Variants in TOP1 observed in about 807,000 individuals in gnomAD.
TOP1 encodes the protein DNA topoisomerase 1.
A neutral mutation model predicts 111.1 loss-of-function variants in TOP1; 10 were observed. The ratio of observed to expected loss-of-function variants is 0.09; its 90% confidence interval spans 0.06 to 0.15. The LOEUF (loss-of-function observed/expected upper bound fraction) is 0.15. Ranked by LOEUF, TOP1 falls within the 10% of genes least tolerant of loss-of-function variation. The pLI, the probability that TOP1 is intolerant of heterozygous loss-of-function variation, is 1.00. For missense variants in TOP1, 474 were observed against 926.7 expected, an observed-to-expected ratio of 0.51 and a Z score of 6.34; for synonymous variants, 271 against 302.9, an observed-to-expected ratio of 0.89 and a Z score of 1.10.
Position 41,030,533 on chromosome 20 carries a change from A to G in TOP1, c.58+1078A>G, listed in dbSNP as rs1174185706. On this transcript the variant is annotated intron_variant, in intron 2 of 20. Transcript: ENST00000361337. The surrounding 1 kb of genome is among the most constrained non-coding windows in gnomAD (Gnocchi z 4.1). The stretch of plus-strand genomic sequence containing the variant: ...GAACCCTTTTCAGCCAAATCAAGGC[A>G]TTTATTCTTACTGTATTTCCACTTC... Among the ~76,000 whole-genome samples, 3 of 150,606 alleles carry G rather than the reference A, an allele frequency of 2.0e-5. No homozygotes were observed.
chr20:41,061,373 A>C lies in TOP1; in HGVS notation c.59-21A>C. ...GATAGCTCATGACTCCTGTTAACTGACTCATCTCTTATGGTTGCAGATTCT... is the reference window on the plus strand; with the variant it reads ...GATAGCTCATGACTCCTGTTAACTGCCTCATCTCTTATGGTTGCAGATTCT... On this transcript the variant is annotated intron_variant, in intron 2 of 20. Transcript: ENST00000361337. The surrounding 1 kb of genome is among the most constrained non-coding windows in gnomAD (Gnocchi z 4.6). The C allele has an allele frequency of 6.2e-7, 1 of 1,612,078 alleles. No homozygotes were observed. Among genetic ancestry groups the C allele is most frequent in the Non-Finnish European group, 8.5e-7 (1 of 1,178,570 alleles).
chr20:41,089,786 C>T (rs2033896912), intron 8 of TOP1, among the ~76,000 whole-genome samples: 1 of 152,208 alleles, frequency 6.6e-6, no homozygotes. Context: ...AGCTTCCCTA[C>T]ACCTTCACCA....
At chr20:41,031,280 T>C (rs543408997) in intron 2 of TOP1, among the ~76,000 whole-genome samples, 1 of 152,348 alleles carries the variant, frequency 6.6e-6, no homozygotes, top group African/African-American at 2.4e-5. Flanking sequence ...CAGGTGAGGA[T>C]GTAAGAAGTC....
chr20:41,110,420 T>C lies in TOP1; in HGVS notation c.1309-2362T>C, dbSNP rs1374440307. 1.3e-5 allele frequency among the ~76,000 whole-genome samples: 2 copies of C among 152,206 alleles called. No individual in the cohort carries two copies. Among genetic ancestry groups the C allele is most frequent in the South Asian group, 2.1e-4 (1 of 4,826 alleles). ...AGGATCAGTGGTTGCTTGGTGGAAA[T>C]TGACTGAGAAGGGAAATAGTCATGT... On this transcript the variant is annotated intron_variant, in intron 13 of 20. Transcript: ENST00000361337. The surrounding 1 kb of genome is among the most constrained non-coding windows in gnomAD (Gnocchi z 4.2).
chr20:41,041,886 GTGATGATGA>G (rs112066961), intron 2 of TOP1, among the ~76,000 whole-genome samples: 5 of 149,666 alleles, frequency 3.3e-5, no homozygotes, highest in African/African-American at 1.2e-4. Context: ...AGCTTACAGG[GTGATGATGA>G]TGATGATGAT....
At position 41,082,035 on chromosome 20, in the gene TOP1, G is replaced by C. The variant is rs1334581497; in HGVS notation, c.507+795G>C. On this transcript the variant is annotated intron_variant, in intron 7 of 20. Transcript: ENST00000361337. The surrounding 1 kb of genome is among the most constrained non-coding windows in gnomAD (Gnocchi z 4.1). Reference sequence around the variant, plus strand: ...TTCTTGTACCAAAAAATTGTTAGCAGGTAATTCAAGAAAAGATGTCAGAAA... The same window carrying C: ...TTCTTGTACCAAAAAATTGTTAGCACGTAATTCAAGAAAAGATGTCAGAAA... Among the ~76,000 whole-genome samples the C allele has an allele frequency of 6.6e-6, 1 of 152,156 alleles. No individual in the cohort carries two copies. Among genetic ancestry groups the C allele is most frequent in the South Asian group, 2.1e-4 (1 of 4,832 alleles).
intron 3 of TOP1, chr20:41,072,552 A>G: frequency 1.0e-6 from 1 of 985,428 alleles, no homozygotes; most frequent in Non-Finnish European, 1.2e-6. Flanking sequence ...ATGCTTCTGT[A>G]TCATAGGACT....
rs980493977 is a variant in TOP1, at chr20:41,110,327, A to T, written c.1309-2455A>T. 6.6e-6 allele frequency among the ~76,000 whole-genome samples: 1 copy of T among 152,296 alleles called. No homozygotes were observed. The highest frequency in any genetic ancestry group is 1.9e-4 in the East Asian group (1 of 5,186). On this transcript the variant is annotated intron_variant, in intron 13 of 20. Transcript: ENST00000361337. This position sits in a 1 kb window ranked among gnomAD's most constrained non-coding sequence, Gnocchi z 4.2. ...TAAAAAGGCAGACAGAGGAGTCTAT[A>T]TTGTATGATTCTATTTATATAATCT... is the stretch of plus-strand genomic sequence containing the variant.
intron 2 of TOP1, among the ~76,000 whole-genome samples, chr20:41,037,061 A>AC (rs1193006736): frequency 6.6e-6 from 1 of 151,870 alleles, no homozygotes; most frequent in East Asian, 1.9e-4. Context: ...CGATCTCCTG[A>AC]CCTCGTGATC....
chr20:41,098,301 G>C lies in TOP1; in HGVS notation c.939G>C (p.Thr313=). The change falls in exon 11 of 21, where the codon ACG becomes ACC. Residue 313 remains threonine (T), a synonymous_variant. Coordinates refer to ENST00000361337, the MANE Select transcript of TOP1 (RefSeq NM_003286.4). This position sits in a 1 kb window ranked among gnomAD's most constrained non-coding sequence, Gnocchi z 5.7. The part of the protein sequence containing the change: ...TQMSQYFKAQ[T]EARKQMSKEE... ...TGAGCCAGTATTTCAAAGCCCAGACGGAAGCTCGGAAACAGATGAGCAAGG... is the reference window on the plus strand; with the variant it reads ...TGAGCCAGTATTTCAAAGCCCAGACCGAAGCTCGGAAACAGATGAGCAAGG... 6.2e-7 allele frequency: 1 copy of C among 1,613,902 alleles called. No individual in the cohort carries two copies. Among genetic ancestry groups the C allele is most frequent in the South Asian group, 1.1e-5 (1 of 91,066 alleles).
Position 41,081,226 on chromosome 20 carries a change from C to G in TOP1, c.493C>G (p.Leu165Val), listed in dbSNP as rs966463878. The change falls in exon 7 of 21, where the codon CTA (leucine) becomes GTA (valine). Residue 165 changes from leucine (L) to valine (V), a missense_variant. Coordinates refer to ENST00000361337, the MANE Select transcript of TOP1 (RefSeq NM_003286.4). ...EDTKKEKKRK[L>V]EEEEDGKLKK... The stretch of plus-strand genomic sequence containing the variant: ...TACCAAGAAGGAGAAGAAAAGAAAA[C>G]TAGAAGAAGAAGAGGTTAGTAAAGA... 3.7e-6 allele frequency: 6 copies of G among 1,604,614 alleles called. No individual in the cohort carries two copies. The highest frequency in any genetic ancestry group is 5.1e-6 in the Non-Finnish European group (6 of 1,174,296).
chr20:41,029,557 A>T lies in TOP1; in HGVS notation c.58+102A>T. 1.1e-6 allele frequency: 1 copy of T among 936,380 alleles called. No homozygotes were observed. 58.0% of individuals were successfully genotyped at this position (936,380 alleles called of 1,614,324 possible). ...AGAGGACAGACATGGCGTCCCAGAG[A>T]CTAAGTCCCGGCTCCTCGCTCACCG... is the stretch of plus-strand genomic sequence containing the variant. On this transcript the variant is annotated intron_variant, in intron 2 of 20. Transcript: ENST00000361337. This position sits in a 1 kb window ranked among gnomAD's most constrained non-coding sequence, Gnocchi z 6.1.
At position 41,069,890 on chromosome 20, in the gene TOP1, A is replaced by T. The variant is rs2033650142; in HGVS notation, c.156-6281A>T. Among the ~76,000 whole-genome samples, 1 of 152,226 alleles carries T rather than the reference A, an allele frequency of 6.6e-6. No individual in the cohort carries two copies. Among genetic ancestry groups the T allele is most frequent in the South Asian group, 2.1e-4 (1 of 4,830 alleles). On this transcript the variant is annotated intron_variant, in intron 3 of 20. Transcript: ENST00000361337. The surrounding 1 kb of genome is among the most constrained non-coding windows in gnomAD (Gnocchi z 4.1). ...ATTTTGCTAACGGAAAGTAATGGTT[A>T]GAAAGAAAAACATAAGCAAAACATA...
intron 2 of TOP1, among the ~76,000 whole-genome samples, chr20:41,051,053 A>G (rs1160971609): frequency 6.6e-6 from 1 of 152,216 alleles, no homozygotes; most frequent in Non-Finnish European, 1.5e-5. Flanking sequence ...TGTTCACTCA[A>G]GTGGTTCTAG....
At chr20:41,084,388 A>T in intron 7 of TOP1, 74 bp from the exon 8 acceptor site, 1 of 836,266 alleles carries the variant, frequency 1.2e-6, no homozygotes, top group East Asian at 2.7e-5. Flanking sequence ...TTTCTTCCTC[A>T]TGGCTCCCAA....
intron 2 of TOP1, among the ~76,000 whole-genome samples, chr20:41,041,945 G>A (rs898557914): frequency 6.6e-6 from 1 of 152,048 alleles, no homozygotes; most frequent in East Asian, 1.9e-4. Context: ...GTCTCCCTTT[G>A]TCGCCCAGGC....
At position 41,121,761 on chromosome 20, in the gene TOP1, C is replaced by G. The variant is rs1450013528; in HGVS notation, c.2016C>G (p.Ala672=). ...ACCTGAAAAGTGCTAAGGCTGATGC[C>G]AAGGTCATGAAGGATGCAAAGACGA... is the stretch of plus-strand genomic sequence containing the variant. ...RRDLKSAKAD[A]KVMKDAKTKK... Residue 672 remains alanine, a synonymous_variant, in exon 19 of 21, where the codon GCC becomes GCG. Coordinates refer to ENST00000361337, the MANE Select transcript of TOP1 (RefSeq NM_003286.4). The surrounding 1 kb of genome is among the most constrained non-coding windows in gnomAD (Gnocchi z 4.2). 4 of 1,614,004 alleles carry G rather than the reference C, an allele frequency of 2.5e-6. No homozygotes were observed. Among genetic ancestry groups the G allele is most frequent in the Non-Finnish European group, 3.4e-6 (4 of 1,179,994 alleles).
At position 41,123,417 on chromosome 20, in the gene TOP1, C is replaced by T. The variant is rs2034450770; in HGVS notation, c.*120C>T. On this transcript the variant is annotated 3_prime_UTR_variant, in exon 21 of 21. Transcript: ENST00000361337. This position sits in a 1 kb window ranked among gnomAD's most constrained non-coding sequence, Gnocchi z 5.8. ...GAGGCAGCAAGTCTTAACAAACCAACATCTTTGCGAAAAGATAAACCTGGA... is the reference window on the plus strand; with the variant it reads ...GAGGCAGCAAGTCTTAACAAACCAATATCTTTGCGAAAAGATAAACCTGGA... The T allele has an allele frequency of 1.1e-5, 7 of 641,822 alleles. No homozygotes were observed. In the South Asian group the frequency reaches 1.4e-4, roughly 13 times the overall value. The allele number at this position is 641,822 out of a possible 1,614,324, so 39.8% of individuals were successfully genotyped here.
In TOP1 at chr20:41,097,655, C is replaced by G. The variant is rs2034000918; in HGVS notation, c.852+314C>G. On this transcript the variant is annotated intron_variant, in intron 10 of 20. Coordinates refer to ENST00000361337, the MANE Select transcript of TOP1 (RefSeq NM_003286.4). The surrounding 1 kb of genome is among the most constrained non-coding windows in gnomAD (Gnocchi z 4.2). ...TTGTCGCTGCAGGACTGCCCCGTGT[C>G]TGCTGTTGCAAAGAGAAATGTTAAT... Among the ~76,000 whole-genome samples, 1 of 152,198 alleles carries G rather than the reference C, an allele frequency of 6.6e-6. No individual in the cohort carries two copies. Among genetic ancestry groups the G allele is most frequent in the Non-Finnish European group, 1.5e-5 (1 of 68,028 alleles).
Sources: gnomAD v4.1 joint callset for allele counts (sites outside exome capture counted in the v4.1 genomes callset) on GRCh38, gnomAD v4.1.1 for gene constraint, Gnocchi (gnomAD v3.1) non-coding constraint, MANE v1.5 for transcripts, NCBI Gene and HGNC (gene_info 2026-07-23, HGNC 2026-07-21) for gene names.